ATG10: variants seen among roughly 807,000 people sequenced by gnomAD.
ATG10 encodes the protein ubiquitin-like-conjugating enzyme ATG10.
A neutral mutation model predicts 32.1 loss-of-function variants in ATG10; 30 were observed. The ratio of observed to expected loss-of-function variants is 0.94; its 90% CI spans 0.70 to 1.27. The LOEUF (loss-of-function observed/expected upper bound fraction) is 1.27. ATG10 is among the 50% of genes most tolerant of loss of function. The pLI, the probability that ATG10 is intolerant of heterozygous loss-of-function variation, is 0.00. For synonymous variants in ATG10, 87 were observed against 91.5 expected (o/e 0.95, Z 0.28); for missense variants, 233 against 262.3 (o/e 0.89, Z 0.77).
chr5:82,232,525 G>A (rs914167098), intron 5 of ATG10, among the ~76,000 whole-genome samples: 21 of 152,132 alleles, frequency 1.4e-4, no homozygotes, highest in African/African-American at 5.1e-4. Flanking sequence ...TGAAAATATA[G>A]TTGGGTAATA....
chr5:82,110,880 A>G (rs1330306411), intron 3 of ATG10, among the ~76,000 whole-genome samples: 2 of 152,058 alleles, frequency 1.3e-5, no homozygotes, highest in Admixed American at 1.3e-4. Flanking sequence ...CTACATTTAT[A>G]AAAAGGAAAA....
At position 82,056,574 on chromosome 5, in the gene ATG10, G is replaced by A. The variant is rs542577176; in HGVS notation, c.109-1921G>A. 2.0e-5 allele frequency among the ~76,000 whole-genome samples: 3 copies of A among 151,820 alleles called. No individual in the cohort carries two copies. In the East Asian group the frequency reaches 5.8e-4, roughly 30 times the overall value. ...ATCATTTGTCCTCCAGAGTCTCTGGGGCCGGCAGTACTGATGGGCAGGATC... is the reference window on the plus strand; with the variant it reads ...ATCATTTGTCCTCCAGAGTCTCTGGAGCCGGCAGTACTGATGGGCAGGATC... On this transcript the variant is annotated intron_variant, in intron 2 of 7. Transcript: ENST00000282185.
intron 1 of ATG10, among the ~76,000 whole-genome samples, chr5:81,984,310 G>A (rs1027740610): frequency 6.6e-6 from 1 of 152,244 alleles, no homozygotes; most frequent in Non-Finnish European, 1.5e-5. Flanking sequence ...GCCTGCAATC[G>A]CAGGCACTCC....
chr5:82,086,132 C>T (rs1764681751), intron 3 of ATG10, among the ~76,000 whole-genome samples: 1 of 152,038 alleles, frequency 6.6e-6, no homozygotes, highest in Non-Finnish European at 1.5e-5. Flanking sequence ...CCATTATTTA[C>T]TAATTAAATT....
chr5:81,993,621 T>A (rs1252584807), intron 2 of ATG10, among the ~76,000 whole-genome samples: 1 of 151,094 alleles, frequency 6.6e-6, no homozygotes, highest in Non-Finnish European at 1.5e-5. Flanking sequence ...AGAGATGGGG[T>A]TTCACGATGT....
chr5:82,133,400 A>G (rs916998884), intron 3 of ATG10, among the ~76,000 whole-genome samples: 21 of 152,096 alleles, frequency 1.4e-4, no homozygotes, highest in Admixed American at 1.1e-3. Flanking sequence ...TAATTTTTGC[A>G]TAACGTGTAA....
At chr5:82,077,120 G>A (rs1764301062) in intron 3 of ATG10, among the ~76,000 whole-genome samples, 1 of 152,124 alleles carries the variant, frequency 6.6e-6, no homozygotes, top group Non-Finnish European at 1.5e-5. Flanking sequence ...TCAGGAGTTC[G>A]AGACCAGCCT....
At chr5:82,069,208 T>C (rs1561282744) in intron 3 of ATG10, among the ~76,000 whole-genome samples, 2 of 152,158 alleles carry the variant, frequency 1.3e-5, no homozygotes, top group African/African-American at 2.4e-5. Context: ...GAAGTAGCAA[T>C]GTAGAATCTC....
chr5:82,131,010 G>T (rs1481985382), intron 3 of ATG10, among the ~76,000 whole-genome samples: 22 of 152,060 alleles, frequency 1.4e-4, no homozygotes. Context: ...CTTATAATTT[G>T]GAGCTAAGCA....
intron 3 of ATG10, among the ~76,000 whole-genome samples, chr5:82,123,712 T>A (rs773483894): frequency 6.8e-6 from 1 of 146,990 alleles, no homozygotes; most frequent in Non-Finnish European, 1.5e-5. Context: ...AGAGGATTGC[T>A]TGAGCCAGGA....
At chr5:82,107,341 A>G (rs1220270166) in intron 3 of ATG10, among the ~76,000 whole-genome samples, 1 of 152,068 alleles carries the variant, frequency 6.6e-6, no homozygotes, top group Non-Finnish European at 1.5e-5. Context: ...TACATGTAGG[A>G]TTATTTCCAA....
intron 3 of ATG10, among the ~76,000 whole-genome samples, chr5:82,138,594 G>T (rs140547101): frequency 6.6e-6 from 1 of 152,248 alleles, no homozygotes; most frequent in African/African-American, 2.4e-5. Context: ...GGGTACCTCA[G>T]TTGGAAATGC....
At chr5:82,010,244 A>G (rs917474074) in intron 2 of ATG10, 1 of 706,390 alleles carries the variant, frequency 1.4e-6, no homozygotes, top group East Asian at 2.7e-5. Flanking sequence ...ATAACCAATT[A>G]TTTCACTTCC....
intron 1 of ATG10, among the ~76,000 whole-genome samples, chr5:81,977,361 G>A (rs1760900318): frequency 6.6e-6 from 1 of 152,114 alleles, no homozygotes; most frequent in South Asian, 2.1e-4. Context: ...CATTTTTACA[G>A]ACAACTCTTC....
At chr5:82,236,076 ACT>A (rs1746540463) in intron 5 of ATG10, among the ~76,000 whole-genome samples, 1 of 152,150 alleles carries the variant, frequency 6.6e-6, no homozygotes, top group African/African-American at 2.4e-5. Context: ...ACAATTTAAG[ACT>A]CTTTATAAAA....
intron 2 of ATG10, among the ~76,000 whole-genome samples, chr5:82,016,197 T>C (rs1448350829): frequency 3.3e-5 from 5 of 152,344 alleles, no homozygotes; most frequent in African/African-American, 1.2e-4. Context: ...GTTCTGGAAT[T>C]TTTTATGGTT....
rs142256752 is a variant in ATG10 at position 82,224,148 on chromosome 5, C to T, written c.454-28414C>T. Among the ~76,000 whole-genome samples the T allele has an allele frequency of 7.3e-3, 1,111 of 152,114 alleles. 5 individuals carry two copies. Among genetic ancestry groups the T allele is most frequent in the Non-Finnish European group, 0.012 (790 of 68,000 alleles). ...TATGTATTTAGGGCTTAGAATAGTC[C>T]GGGGCATGGTAGGTGCTTAATGAAG... is the stretch of plus-strand genomic sequence containing the variant. On this transcript the variant is annotated intron_variant, in intron 5 of 7. Coordinates refer to ENST00000282185, the MANE Select transcript of ATG10 (RefSeq NM_031482.5).
In ATG10 at chr5:82,009,713, C is replaced by A. The variant is rs192868539; in HGVS notation, c.108+22035C>A. Reference sequence around the variant, plus strand: ...TGCCTTCTTTCACTTTGCCACAGATCACATGCATGCCATCCAACCACTCAG... The same window carrying A: ...TGCCTTCTTTCACTTTGCCACAGATAACATGCATGCCATCCAACCACTCAG... On this transcript the variant is annotated intron_variant, in intron 2 of 7. Coordinates refer to ENST00000282185, the MANE Select transcript of ATG10 (RefSeq NM_031482.5). 2.2e-5 allele frequency: 35 copies of A among 1,589,454 alleles called. No homozygotes were observed. The Admixed American group carries it at 4.5e-4, about 20-fold the overall frequency.
intron 2 of ATG10, among the ~76,000 whole-genome samples, chr5:82,031,672 C>T (rs1762746974): frequency 1.3e-5 from 2 of 152,226 alleles, no homozygotes; most frequent in African/African-American, 4.8e-5. Flanking sequence ...TTGGGAAGGT[C>T]TGCGAAGAGC....
Sources: allele counts gnomAD v4.1 joint callset (sites outside exome capture counted in the v4.1 genomes callset), GRCh38; gene constraint gnomAD v4.1.1; transcripts MANE v1.5; gene names NCBI Gene and HGNC (gene_info 2026-07-23, HGNC 2026-07-21).